COX10: variants seen among roughly 807,000 people sequenced by gnomAD.
COX10 encodes cytochrome c oxidase assembly factor heme A:farnesyltransferase COX10, also known as protoheme IX farnesyltransferase, mitochondrial.
In COX10, 27 loss-of-function variants were observed where a neutral mutation model predicts 37.3. The ratio of observed to expected loss-of-function variants is 0.72; its 90% CI spans 0.53 to 1.00. COX10 has a LOEUF of 1.00. Among genes scored for constraint, COX10 ranks in the 50% least tolerant of loss-of-function variants. COX10 has a pLI of 0.00. For missense variants in COX10, 475 were observed against 563.2 expected (o/e 0.84, Z 1.59); for synonymous variants, 222 against 229.1 (o/e 0.97, Z 0.28).
chr17:14,190,854 G>A (rs1474613249), intron 5 of COX10, among the ~76,000 whole-genome samples: 2 of 152,098 alleles, frequency 1.3e-5, no homozygotes, highest in Non-Finnish European at 2.9e-5. Context: ...GCAACCCTGT[G>A]CATAGAAGGG....
At chr17:14,205,200 C>G (rs886499133) in intron 6 of COX10, among the ~76,000 whole-genome samples, 2 of 152,136 alleles carry the variant, frequency 1.3e-5, no homozygotes, top group African/African-American at 4.8e-5. Context: ...TTCTGTGACT[C>G]CTAACACGTG....
chr17:14,163,467 G>T (rs1169774920), intron 5 of COX10, among the ~76,000 whole-genome samples: 4 of 152,054 alleles, frequency 2.6e-5, no homozygotes, highest in Non-Finnish European at 1.5e-5. Context: ...TGTTGGCCAG[G>T]CTGGTCTTGA....
At chr17:14,077,345 A>C in intron 3 of COX10, 1 of 376,040 alleles carries the variant, frequency 2.7e-6, no homozygotes, top group East Asian at 6.1e-5. Context: ...TAGTGTTTTT[A>C]CACCTGCTGT....
chr17:14,119,717 G>A (rs923270627), intron 4 of COX10, among the ~76,000 whole-genome samples: 3 of 152,124 alleles, frequency 2.0e-5, no homozygotes, highest in Non-Finnish European at 4.4e-5. Flanking sequence ...AATGACAAGA[G>A]GAAGCGTGGT....
chr17:14,084,089 A>T (rs1915357119), intron 3 of COX10, among the ~76,000 whole-genome samples: 1 of 152,180 alleles, frequency 6.6e-6, no homozygotes, highest in Non-Finnish European at 1.5e-5. Context: ...TAAAAGAAAA[A>T]AGCAGAAATG....
chr17:14,075,825 C>T (rs1037233836), intron 2 of COX10, among the ~76,000 whole-genome samples: 1 of 151,322 alleles, frequency 6.6e-6, no homozygotes, highest in Non-Finnish European at 1.5e-5. Flanking sequence ...CCTGTCTCTA[C>T]TAAAAAGTAA....
chr17:14,069,956 C>G (rs1307311663), intron 1 of COX10, among the ~76,000 whole-genome samples: 1 of 152,186 alleles, frequency 6.6e-6, no homozygotes, highest in Non-Finnish European at 1.5e-5. Flanking sequence ...AGAGCAGAAC[C>G]TTGGGGTTCC....
At chr17:14,086,930 A>G (rs915148756) in intron 3 of COX10, among the ~76,000 whole-genome samples, 2 of 152,182 alleles carry the variant, frequency 1.3e-5, no homozygotes, top group African/African-American at 4.8e-5. Flanking sequence ...TGTGTTATGT[A>G]GAGTGCTGAC....
intron 5 of COX10, among the ~76,000 whole-genome samples, chr17:14,172,767 G>A (rs1269467606): frequency 1.3e-5 from 2 of 151,446 alleles, no homozygotes; most frequent in African/African-American, 2.4e-5. Flanking sequence ...TTGTGTGGCC[G>A]GTTTCGAACT....
chr17:14,166,485 T>TA (rs1905286758), intron 5 of COX10, among the ~76,000 whole-genome samples: 1 of 152,178 alleles, frequency 6.6e-6, no homozygotes, highest in South Asian at 2.1e-4. Context: ...TTCAAAATAT[T>TA]ACTGCTTATT....
chr17:14,102,330 C>CATA, intron 4 of COX10, 88 bp downstream of exon 4: 1 of 1,538,146 alleles, frequency 6.5e-7, no homozygotes. Context: ...CTTCCAAACT[C>CATA]ATATATTGAT....
intron 5 of COX10, among the ~76,000 whole-genome samples, chr17:14,161,860 C>G (rs1340430846): frequency 6.6e-6 from 1 of 152,158 alleles, no homozygotes; most frequent in Non-Finnish European, 1.5e-5. Flanking sequence ...TGTCGTGGGA[C>G]TTCTCAGCCA....
intron 4 of COX10, among the ~76,000 whole-genome samples, chr17:14,158,234 T>TAA (rs201635369): frequency 2.0e-5 from 3 of 149,184 alleles, no homozygotes; most frequent in African/African-American, 7.4e-5. Context: ...TAAGACATCG[T>TAA]AAAAAAAAAA....
At position 14,074,445 on chromosome 17, in the gene COX10, C is replaced by T; in HGVS notation, c.166C>T (p.Leu56Phe). 1 of 1,613,658 alleles carries T rather than the reference C, an allele frequency of 6.2e-7. No homozygotes were observed. The highest frequency in any genetic ancestry group is 8.5e-7 in the Non-Finnish European group (1 of 1,179,700). ...QWITFQHFSF[L>F]KRMYVTQLNR... Reference sequence around the variant, plus strand: ...GATTACATTTCAGCACTTTAGCTTCCTCAAACGCATGGTATGTTTAGAAGA... The same window carrying T: ...GATTACATTTCAGCACTTTAGCTTCTTCAAACGCATGGTATGTTTAGAAGA... Residue 56 changes from leucine (L) to phenylalanine (F), a missense_variant, in exon 2 of 7, where the codon CTC becomes TTC. Leu to Phe is a conservative substitution (Grantham distance 22). Transcript: ENST00000261643.
chr17:14,084,746 C>T (rs1477103978), intron 3 of COX10, among the ~76,000 whole-genome samples: 2 of 152,104 alleles, frequency 1.3e-5, no homozygotes, highest in Admixed American at 1.3e-4. Context: ...CTGCAACCTC[C>T]GCCTCCCGGG....
At chr17:14,098,476 T>G (rs888767994) in intron 3 of COX10, among the ~76,000 whole-genome samples, 1 of 152,170 alleles carries the variant, frequency 6.6e-6, no homozygotes, top group Non-Finnish European at 1.5e-5. Flanking sequence ...AAAATGGCTC[T>G]TGTTCTTTAA....
chr17:14,189,070 C>A, intron 5 of COX10, among the ~76,000 whole-genome samples: 1 of 126,090 alleles, frequency 7.9e-6, no homozygotes, highest in African/African-American at 2.8e-5. Flanking sequence ...GTTATATATT[C>A]ATTTTCTTCT....
At chr17:14,180,613 A>G (rs938575614) in intron 5 of COX10, among the ~76,000 whole-genome samples, 2 of 152,196 alleles carry the variant, frequency 1.3e-5, no homozygotes, top group African/African-American at 4.8e-5. Context: ...CTCCCTTTTT[A>G]TAATCAGAAA....
At position 14,197,071 on chromosome 17, in the gene COX10, C is replaced by G. The variant is rs78852005; in HGVS notation, c.928+4850C>G. Among the ~76,000 whole-genome samples the G allele has an allele frequency of 6.4e-3, 974 of 152,164 alleles. 15 individuals carry two copies. The highest frequency in any genetic ancestry group is 0.022 in the African/African-American group (921 of 41,490). ...TTCCTGGGGCTCAGTAGATGGTAGT[C>G]AAGATGGAGAGGAAGCCGCTGAGCC... On this transcript the variant is annotated intron_variant, in intron 6 of 6. Coordinates refer to ENST00000261643, the MANE Select transcript of COX10 (RefSeq NM_001303.4).
Sources: gnomAD v4.1 joint callset for allele counts (sites outside exome capture counted in the v4.1 genomes callset) on GRCh38, gnomAD v4.1.1 for gene constraint, MANE v1.5 for transcripts, NCBI Gene and HGNC (gene_info 2026-07-23, HGNC 2026-07-21) for gene names.